STK32C: variants seen among roughly 807,000 people sequenced by gnomAD.
STK32C encodes serine/threonine-protein kinase 32C.
A neutral mutation model predicts 56.5 loss-of-function variants in STK32C; 31 were observed. The observed-to-expected ratio is 0.55, with a 90% CI of 0.41 to 0.74. The LOEUF (loss-of-function observed/expected upper bound fraction) is 0.74, where lower values mean the gene tolerates loss of function less well. Ranked by LOEUF, STK32C falls within the 30% of genes least tolerant of loss-of-function variation. STK32C has a pLI of 0.00. For missense variants in STK32C, 544 were observed against 676.9 expected (o/e 0.80, Z 2.18); for synonymous variants, 309 against 289.4 (o/e 1.07, Z -0.69).
At chr10:132,233,295 A>G (rs139984748) in intron 2 of STK32C, among the ~76,000 whole-genome samples, 1 of 152,246 alleles carries the variant, frequency 6.6e-6, no homozygotes, top group Admixed American at 6.5e-5. Context: ...CGTGCACTCC[A>G]GAGGCAGTTC....
At chr10:132,310,811 TTA>T (rs2066205191), upstream of STK32C, among the ~76,000 whole-genome samples, 1 of 152,180 alleles carries the variant, frequency 6.6e-6, no homozygotes, top group African/African-American at 2.4e-5. This position sits in a 1 kb window ranked among gnomAD's most constrained non-coding sequence, Gnocchi z 4.6. Flanking sequence ...TGGGACCACT[TTA>T]GCTTGGGTAG....
chr10:132,219,771 C>T (rs770417810), intron 10 of STK32C, among the ~76,000 whole-genome samples: 1 of 152,126 alleles, frequency 6.6e-6, no homozygotes, highest in Non-Finnish European at 1.5e-5. Flanking sequence ...AATCAGGGCA[C>T]CCAGGGCATG....
At chr10:132,285,936 AAC>A in intron 1 of STK32C, among the ~76,000 whole-genome samples, 1 of 152,288 alleles carries the variant, frequency 6.6e-6, no homozygotes, top group East Asian at 1.9e-4. Flanking sequence ...CATCCTGGCT[AAC>A]ACAGTGAAAT....
chr10:132,226,454 G>A (rs959512501), intron 4 of STK32C, among the ~76,000 whole-genome samples: 1 of 152,190 alleles, frequency 6.6e-6, no homozygotes, highest in Admixed American at 6.5e-5. Context: ...CTGGGATGTG[G>A]TGGATGGGCA....
At chr10:132,276,840 G>A (rs928906063) in intron 1 of STK32C, among the ~76,000 whole-genome samples, 7 of 151,426 alleles carry the variant, frequency 4.6e-5, no homozygotes, top group Admixed American at 1.3e-4. Flanking sequence ...TTACCCCAGC[G>A]TGGCCCACGG....
At chr10:132,216,817 G>A (rs191236078) in intron 10 of STK32C, among the ~76,000 whole-genome samples, 294 of 152,326 alleles carry the variant, frequency 1.9e-3, no homozygotes, top group African/African-American at 6.2e-3. Flanking sequence ...TGTTGAGCCC[G>A]CAGGTGCACA....
intron 1 of STK32C, among the ~76,000 whole-genome samples, chr10:132,278,563 C>T (rs868123528): frequency 1.3e-5 from 2 of 151,774 alleles, no homozygotes; most frequent in Non-Finnish European, 2.9e-5. Flanking sequence ...AGATCAAGAC[C>T]ATCCTGGCTA....
rs2062912310 is a variant in STK32C, at chr10:132,226,917, C to A, written c.522G>T (p.Leu174=). ...GCAGGTGGTAGCGCAGGTCCCCGCC[C>A]AGTAGCAGGTCCACGACCATGAACA... ...EDMFMVVDLL[L]GGDLRYHLQQ... Residue 174 remains leucine (L), a synonymous_variant, in exon 4 of 12, where the codon CTG becomes CTT. Transcript: ENST00000298630. 6.2e-7 allele frequency: 1 copy of A among 1,613,476 alleles called. No homozygotes were observed. Among genetic ancestry groups the A allele is most frequent in the Non-Finnish European group, 8.5e-7 (1 of 1,180,048 alleles).
At chr10:132,229,487 C>T (rs1015022762) in intron 2 of STK32C, among the ~76,000 whole-genome samples, 9 of 152,238 alleles carry the variant, frequency 5.9e-5, no homozygotes, top group Admixed American at 3.3e-4. Flanking sequence ...CAGGGCGAGA[C>T]CCTGTCTCTA....
chr10:132,298,736 T>G (rs571219236), intron 1 of STK32C, among the ~76,000 whole-genome samples: 1 of 151,528 alleles, frequency 6.6e-6, no homozygotes, highest in Admixed American at 6.6e-5. Context: ...ACCCAGGCAG[T>G]GTGTGGGGAA....
At chr10:132,320,325 T>A (rs2066380520), downstream of STK32C, among the ~76,000 whole-genome samples, 1 of 151,390 alleles carries the variant, frequency 6.6e-6, no homozygotes. Flanking sequence ...ACTGTTGCAA[T>A]GGGGAAGAGT....
At chr10:132,280,713 C>A (rs554616015) in intron 1 of STK32C, among the ~76,000 whole-genome samples, 1 of 149,170 alleles carries the variant, frequency 6.7e-6, no homozygotes, top group African/African-American at 2.5e-5. Flanking sequence ...ACCTCCACTC[C>A]CTGATCACAC....
chr10:132,224,467 G>A lies in STK32C; in HGVS notation c.933C>T (p.Ser311=). ...TGGGGACATACTGGACGCTCACGGT[G>A]CTGAACAGCTGCACCAGGGACTCCA... ...NAVESLVQLF[S]TVSVQYVPTW... The change falls in exon 8 of 12, where the codon AGC becomes AGT. Residue 311 remains serine (S), a synonymous_variant. Transcript: ENST00000298630. The A allele has an allele frequency of 2.5e-6, 4 of 1,576,582 alleles. No homozygotes were observed. The highest frequency in any genetic ancestry group is 3.4e-6 in the Non-Finnish European group (4 of 1,161,188).
chr10:132,263,258 C>A (rs532242157), intron 1 of STK32C, among the ~76,000 whole-genome samples: 1 of 152,092 alleles, frequency 6.6e-6, no homozygotes, highest in African/African-American at 2.4e-5. Context: ...ATCACACAAT[C>A]GTAAAAAAGA....
At chr10:132,287,278 G>A (rs1263234535) in intron 1 of STK32C, among the ~76,000 whole-genome samples, 2 of 151,988 alleles carry the variant, frequency 1.3e-5, no homozygotes, top group Non-Finnish European at 2.9e-5. Context: ...GGATCACTAG[G>A]TCAGGAGTTC....
At chr10:132,329,442 G>T (rs920698185) in intron 1 of STK32C, among the ~76,000 whole-genome samples, 4 of 151,994 alleles carry the variant, frequency 2.6e-5, no homozygotes, top group Admixed American at 2.6e-4. Flanking sequence ...ATAAATAGAG[G>T]TGTTTGGGAT....
At chr10:132,321,067 G>A (rs758085844), downstream of STK32C, among the ~76,000 whole-genome samples, 2 of 152,234 alleles carry the variant, frequency 1.3e-5, no homozygotes, top group African/African-American at 2.4e-5. Context: ...GGAGCAGAGA[G>A]GCCCAACTGG....
chr10:132,280,733 C>A (rs1367155219), intron 1 of STK32C, among the ~76,000 whole-genome samples: 14 of 150,306 alleles, frequency 9.3e-5, no homozygotes, highest in Non-Finnish European at 8.9e-5. Context: ...CCCCTGCACT[C>A]GGTGATCACA....
chr10:132,233,870 T>G (rs1216954920), intron 2 of STK32C, among the ~76,000 whole-genome samples: 3 of 152,220 alleles, frequency 2.0e-5, no homozygotes, highest in African/African-American at 7.2e-5. Context: ...GGATGGCCCC[T>G]TCGGCAACAG....
Sources: gnomAD v4.1 joint callset for allele counts (sites outside exome capture counted in the v4.1 genomes callset) on GRCh38, gnomAD v4.1.1 for gene constraint, Gnocchi (gnomAD v3.1) non-coding constraint, MANE v1.5 for transcripts, NCBI Gene and HGNC (gene_info 2026-07-23, HGNC 2026-07-21) for gene names.